CHAF1A: variants seen among roughly 807,000 people sequenced by gnomAD.
The protein encoded by CHAF1A is CAF-1 subunit A.
A neutral mutation model predicts 93.2 loss-of-function variants in CHAF1A; 5 were observed. The ratio of observed to expected loss-of-function variants is 0.05; its 90% CI spans 0.03 to 0.11. The LOEUF is 0.11. Ranked by LOEUF, CHAF1A falls within the 10% of genes least tolerant of loss-of-function variation. The probability of loss-of-function intolerance (pLI) is 1.00; values close to 1 mark genes in which losing one functional copy is unlikely to be tolerated. For missense variants in CHAF1A, 1,102 were observed against 1,259.9 expected, an observed-to-expected ratio of 0.87 and a Z score of 1.90; for synonymous variants, 504 against 510.3, an observed-to-expected ratio of 0.99 and a Z score of 0.17.
rs769538045 is a variant in CHAF1A, at chr19:4,442,282, CGGAGGAGGAGGAAGA to C, written c.2720_2734del (p.Glu907_Glu911del). ...GACATGGACGGCTTCCAGGCAGACACGGAGGAGGAGGAAGAGGAGGAGGGCGACTGTATGATCGTG... is the reference window on the plus strand; with the variant it reads ...GACATGGACGGCTTCCAGGCAGACACGGAGGAGGGCGACTGTATGATCGTG... On this transcript the variant is annotated inframe_deletion, in exon 14 of 15. Coordinates refer to ENST00000301280, the MANE Select transcript of CHAF1A (RefSeq NM_005483.3). The C allele has an allele frequency of 1.2e-6, 2 of 1,613,676 alleles. No homozygotes were observed. The highest frequency in any genetic ancestry group is 1.7e-6 in the Non-Finnish European group (2 of 1,179,872).
chr19:4,437,480 C>CT (rs1974306399), intron 13 of CHAF1A, among the ~76,000 whole-genome samples: 2 of 152,204 alleles, frequency 1.3e-5, no homozygotes, highest in East Asian at 3.9e-4. Flanking sequence ...TCCTAAGGAG[C>CT]TGGGAGTATA....
At chr19:4,448,302 G>A (rs1469518167), downstream of CHAF1A, 3 of 1,592,700 alleles carry the variant, frequency 1.9e-6, no homozygotes, top group Non-Finnish European at 2.6e-6. Context: ...GCAGGGCAAA[G>A]GGGCCACACG....
intron 14 of CHAF1A, among the ~76,000 whole-genome samples, chr19:4,442,575 AG>A (rs1332806013): frequency 6.6e-6 from 1 of 152,216 alleles, no homozygotes; most frequent in African/African-American, 2.4e-5. Flanking sequence ...TGGGAGTCTC[AG>A]GTGGTTGTGA....
Position 4,433,289 on chromosome 19 carries a change from A to G in CHAF1A, c.2423A>G (p.Tyr808Cys). The change falls in exon 13 of 15, where the codon TAT becomes TGT. Residue 808 changes from tyrosine (Y) to cysteine (C), a missense_variant. Tyr to Cys is a radical substitution (Grantham distance 194). Coordinates refer to ENST00000301280, the MANE Select transcript of CHAF1A (RefSeq NM_005483.3). This position sits in a 1 kb window ranked among gnomAD's most constrained non-coding sequence, Gnocchi z 5.6. The stretch of plus-strand genomic sequence containing the variant: ...CGGCTCATTTCCGAGAACTCAGTGT[A>G]TGAGAAGCGGCCTGACTTCAGGATG... Reference protein sequence around the residue: ...LKRLISENSVYEKRPDFRMCW... With the variant: ...LKRLISENSVCEKRPDFRMCW... 1 of 1,614,168 alleles carries G rather than the reference A, an allele frequency of 6.2e-7. No individual in the cohort carries two copies. Among genetic ancestry groups the G allele is most frequent in the Admixed American group, 1.7e-5 (1 of 60,016 alleles).
chr19:4,444,791 T>G (rs1295968697), downstream of CHAF1A: 3 of 152,358 alleles, frequency 2.0e-5, no homozygotes, highest in African/African-American at 7.2e-5. Flanking sequence ...CTGCAGGGAC[T>G]GGGCCTTTGT....
chr19:4,413,196 C>T (rs1414856153), intron 3 of CHAF1A, among the ~76,000 whole-genome samples: 1 of 152,102 alleles, frequency 6.6e-6, no homozygotes, highest in Non-Finnish European at 1.5e-5. Flanking sequence ...CTCAACCTCC[C>T]AAGTAGCTGG....
chr19:4,446,486 G>A, downstream of CHAF1A: 1 of 1,601,588 alleles, frequency 6.2e-7, no homozygotes, highest in Non-Finnish European at 8.5e-7. Context: ...CTGCTCCGCG[G>A]ACGTCAGGCC....
intron 13 of CHAF1A, among the ~76,000 whole-genome samples, chr19:4,438,706 G>A (rs371003177): frequency 5.4e-4 from 82 of 152,326 alleles, no homozygotes; most frequent in South Asian, 5.4e-3. Context: ...ATAGATGGCC[G>A]GGTGTGGTGG....
Position 4,409,336 on chromosome 19 carries a change from T to A in CHAF1A, c.537T>A (p.Ile179=). 6.2e-7 allele frequency: 1 copy of A among 1,614,046 alleles called. No individual in the cohort carries two copies. The highest frequency in any genetic ancestry group is 8.5e-7 in the Non-Finnish European group (1 of 1,180,002). The stretch of plus-strand genomic sequence containing the variant: ...TTCCTGGAGAGACCCTTTCAGACAT[T>A]CCTTGCAAAACAGAGGAGGAGGGTG... ...LAFPGETLSD[I]PCKTEEEGVG... is the part of the protein sequence containing the mutation. The change falls in exon 3 of 15, where the codon ATT becomes ATA. Residue 179 remains isoleucine (I), a synonymous_variant. Transcript: ENST00000301280.
rs1301477776 is a variant in CHAF1A, at chr19:4,409,511, C to T, written c.712C>T (p.Pro238Ser). Residue 238 changes from proline (P) to serine (S), a missense_variant, in exon 3 of 15, where the codon CCT becomes TCT. Around this residue, in one of 6 missense-constraint regions of CHAF1A, gnomAD observed 379 missense variants for 365.7 expected, o/e 1.04. Transcript: ENST00000301280. ...GGGCATCCTGTTCAAAGGGAAGGTGCCTATGGTGGTCTTGCAGGACATCTT... is the reference window on the plus strand; with the variant it reads ...GGGCATCCTGTTCAAAGGGAAGGTGTCTATGGTGGTCTTGCAGGACATCTT... ...AGGILFKGKV[P>S]MVVLQDILAV... 6.2e-7 allele frequency: 1 copy of T among 1,614,058 alleles called. No homozygotes were observed. Among genetic ancestry groups the T allele is most frequent in the South Asian group, 1.1e-5 (1 of 91,078 alleles).
intron 2 of CHAF1A, among the ~76,000 whole-genome samples, 179 bp from the exon 3 acceptor site, chr19:4,408,724 C>T (rs182284090): frequency 3.3e-5 from 5 of 151,614 alleles, no homozygotes; most frequent in African/African-American, 9.7e-5. Context: ...CTGCTTGCCT[C>T]GGCCTCCCCA....
chr19:4,434,209 G>A (rs537178385), intron 13 of CHAF1A, among the ~76,000 whole-genome samples: 13 of 151,930 alleles, frequency 8.6e-5, no homozygotes, highest in African/African-American at 2.4e-4. Context: ...TTAGCCAAGC[G>A]GTGGCATGCA....
In CHAF1A at chr19:4,433,214, C is replaced by T. The variant is rs201972593; in HGVS notation, c.2348C>T (p.Thr783Ile). ...AGCCCCTCCACCACCTACCTGCACA[C>T]CCCCACCCCCAGCGAGGATGCCGCC... Reference protein sequence around the residue: ...PRSPSTTYLHTPTPSEDAAIP... With the variant: ...PRSPSTTYLHIPTPSEDAAIP... The change falls in exon 13 of 15, where the codon ACC becomes ATC. Residue 783 changes from threonine to isoleucine, a missense_variant. Coordinates refer to ENST00000301280, the MANE Select transcript of CHAF1A (RefSeq NM_005483.3). This position sits in a 1 kb window ranked among gnomAD's most constrained non-coding sequence, Gnocchi z 5.6. 4.5e-5 allele frequency: 73 copies of T among 1,613,924 alleles called. No individual in the cohort carries two copies. The highest frequency in any genetic ancestry group is 3.3e-4 in the Middle Eastern group (2 of 6,084).
chr19:4,430,990 C>T (rs552684905), intron 11 of CHAF1A: 6 of 241,246 alleles, frequency 2.5e-5, no homozygotes, highest in South Asian at 1.7e-4. Flanking sequence ...AGTTTGATGA[C>T]GTAACAATCA....
Position 4,427,136 on chromosome 19 carries a change from C to CTTTTTTTTTTTTTTTTTTTTT in CHAF1A, c.1378-1517_1378-1497dup, listed in dbSNP as rs747750687. 1.0e-3 allele frequency among the ~76,000 whole-genome samples: 32 copies of CTTTTTTTTTTTTTTTTTTTTT among 31,946 alleles called. 4 individuals are homozygous for CTTTTTTTTTTTTTTTTTTTTT. The highest frequency in any genetic ancestry group is 1.9e-3 in the African/African-American group (13 of 6,822). 21.0% of individuals were successfully genotyped at this position (31,946 alleles called of 152,430 possible). ...GTGATCTTTCAAAAAAAGACCCTGT[C>CTTTTTTTTTTTTTTTTTTTTT]TTTTTTTTTTTTTTTTTTTTTTTTT... On this transcript the variant is annotated intron_variant, in intron 7 of 14. Coordinates refer to ENST00000301280, the MANE Select transcript of CHAF1A (RefSeq NM_005483.3).
At chr19:4,429,291 C>T (rs964259791) in intron 8 of CHAF1A, 147 bp from the exon 9 acceptor site, 2 of 910,678 alleles carry the variant, frequency 2.2e-6, no homozygotes, top group Non-Finnish European at 1.7e-6. Flanking sequence ...ATGTTCCTGA[C>T]CTTTCTTTGG....
intron 1 of CHAF1A, 138 bp from the exon 2 acceptor site, chr19:4,405,774 A>T (rs1465715793): frequency 1.1e-5 from 8 of 700,928 alleles, no homozygotes; most frequent in Non-Finnish European, 2.0e-5. Flanking sequence ...AAACATCTCT[A>T]GACTGTGTCA....
intron 12 of CHAF1A, among the ~76,000 whole-genome samples, 175 bp downstream of exon 12, chr19:4,432,382 G>A (rs948117598): frequency 2.0e-5 from 3 of 152,122 alleles, no homozygotes; most frequent in Non-Finnish European, 4.4e-5. Context: ...CTAGCAGCAG[G>A]ACGAGGCAGG....
intron 3 of CHAF1A, among the ~76,000 whole-genome samples, chr19:4,417,767 G>A (rs1973921458): frequency 6.6e-6 from 1 of 152,146 alleles, no homozygotes; most frequent in Non-Finnish European, 1.5e-5. Context: ...AGCCTTGTCT[G>A]TTGCCTTTAT....
Sources: allele counts gnomAD v4.1 joint callset (sites outside exome capture counted in the v4.1 genomes callset), GRCh38; gene constraint gnomAD v4.1.1; regional missense constraint gnomAD v4.1.1; non-coding constraint Gnocchi (gnomAD v3.1); transcripts MANE v1.5; gene names NCBI Gene and HGNC (gene_info 2026-07-23, HGNC 2026-07-21).